Variants in GSR observed in about 807,000 individuals in gnomAD.
GSR encodes the protein glutathione-disulfide reductase, also known as glutathione reductase, mitochondrial.
In GSR, 48 loss-of-function variants were observed where a neutral mutation model predicts 56.5. The observed-to-expected ratio is 0.85, with a 90% CI of 0.67 to 1.08. The LOEUF (loss-of-function observed/expected upper bound fraction) is 1.08. Ranked by LOEUF, GSR falls within the 50% of genes least tolerant of loss-of-function variation. The pLI is 0.00. For synonymous variants in GSR, 264 were observed against 270.8 expected (o/e 0.97, Z 0.25); for missense variants, 694 against 703.3 (o/e 0.99, Z 0.15).
intron 1 of GSR, among the ~76,000 whole-genome samples, chr8:30,720,667 A>AAG (rs1554574503): frequency 8.0e-5 from 5 of 62,814 alleles, no homozygotes; most frequent in Non-Finnish European, 2.0e-4. Flanking sequence ...ACTTGAGAAA[A>AAG]AGAGAAAAAA....
At chr8:30,711,979 T>C in intron 2 of GSR, 83 bp downstream of exon 2, 1 of 806,822 alleles carries the variant, frequency 1.2e-6, no homozygotes, top group South Asian at 1.5e-5. Context: ...TTTTAACTGA[T>C]CTATTTGGAA....
chr8:30,712,372 A>C (rs1563541945), intron 1 of GSR, among the ~76,000 whole-genome samples: 4 of 152,226 alleles, frequency 2.6e-5, no homozygotes, highest in Non-Finnish European at 5.9e-5. Flanking sequence ...AAAGTACTGC[A>C]GAATACATGG....
chr8:30,715,462 T>C (rs1259198289), intron 1 of GSR, among the ~76,000 whole-genome samples: 1 of 152,090 alleles, frequency 6.6e-6, no homozygotes. Context: ...GGTTTCCTAA[T>C]GGTAAGAGCA....
intron 1 of GSR, among the ~76,000 whole-genome samples, chr8:30,725,606 G>T (rs1475300360): frequency 6.6e-6 from 1 of 151,522 alleles, no homozygotes; most frequent in Non-Finnish European, 1.5e-5. Flanking sequence ...AATTAGCTGG[G>T]TGTGGTGGCT....
At chr8:30,687,128 C>T (rs1016687799) in intron 9 of GSR, among the ~76,000 whole-genome samples, 15 of 151,816 alleles carry the variant, frequency 9.9e-5, no homozygotes, top group African/African-American at 3.1e-4. Context: ...TGAGCCACGG[C>T]GCCTGGCTGA....
At chr8:30,703,020 G>A in intron 5 of GSR, 73 bp downstream of exon 5, 1 of 1,479,638 alleles carries the variant, frequency 6.8e-7, no homozygotes, top group African/African-American at 1.4e-5. Context: ...CAGATCCCCT[G>A]GCATGGCTTT....
chr8:30,700,899 C>G (rs866945604), intron 5 of GSR, among the ~76,000 whole-genome samples: 2 of 152,262 alleles, frequency 1.3e-5, no homozygotes, highest in African/African-American at 2.4e-5. Context: ...ATAGCAGGTC[C>G]TATCTTGCAG....
At chr8:30,722,691 C>T (rs577728997) in intron 1 of GSR, among the ~76,000 whole-genome samples, 1 of 147,812 alleles carries the variant, frequency 6.8e-6, no homozygotes, top group Admixed American at 6.8e-5. Context: ...ATGATCATGC[C>T]CCTGCACTCC....
chr8:30,716,284 G>A (rs1804331164), intron 1 of GSR, among the ~76,000 whole-genome samples: 1 of 152,224 alleles, frequency 6.6e-6, no homozygotes, highest in Non-Finnish European at 1.5e-5. Context: ...ACCAGAGGAA[G>A]AGGATGGTGG....
chr8:30,708,694 C>T (rs546012584), intron 3 of GSR, among the ~76,000 whole-genome samples: 11 of 152,202 alleles, frequency 7.2e-5, no homozygotes, highest in African/African-American at 2.2e-4. Context: ...CGGTGGCTCA[C>T]GCCTGTAATC....
chr8:30,678,433 C>T lies in GSR; in HGVS notation c.*1087G>A. On this transcript the variant is annotated 3_prime_UTR_variant, in exon 13 of 13. Transcript: ENST00000221130. ...TGAGTGCAGCAGCATGATCAGGACT[C>T]ACTGCAGCCTCACCTCACCCAAGCT... is the stretch of plus-strand genomic sequence containing the variant. The T allele has an allele frequency of 6.7e-6, 1 of 149,836 alleles. No homozygotes were observed. Among genetic ancestry groups the T allele is most frequent in the Non-Finnish European group, 1.5e-5 (1 of 67,742 alleles). 9.3% of individuals were successfully genotyped at this position (149,836 alleles called of 1,614,324 possible). A position where few individuals can be genotyped will look rare whatever the true frequency, so the allele number is the denominator to read the frequency against.
intron 3 of GSR, among the ~76,000 whole-genome samples, chr8:30,708,422 T>C (rs1204866837): frequency 6.6e-6 from 1 of 152,254 alleles, no homozygotes; most frequent in Non-Finnish European, 1.5e-5. Flanking sequence ...TAGAACATGA[T>C]GTGCACAGGA....
rs35132121 is a variant in GSR, at chr8:30,718,111, AAAAT to A, written c.307-6027_307-6024del. Among the ~76,000 whole-genome samples the A allele has an allele frequency of 5.5e-4, 81 of 147,834 alleles. 1 individual carries two copies. Among genetic ancestry groups the A allele is most frequent in the East Asian group, 1.0e-3 (5 of 4,988 alleles). ...AGTGAAATTCTGTCTCAAAAAAATA[AAAAT>A]AAATAAATAAATAAATAAATAAATA... On this transcript the variant is annotated intron_variant, in intron 1 of 12. Transcript: ENST00000221130.
chr8:30,693,488 G>A (rs1311861195), intron 7 of GSR, among the ~76,000 whole-genome samples: 1 of 152,070 alleles, frequency 6.6e-6, no homozygotes, highest in Non-Finnish European at 1.5e-5. Context: ...TCCACATGTG[G>A]AGTTCAGGTG....
At chr8:30,684,734 A>G (rs749293589) in intron 9 of GSR, among the ~76,000 whole-genome samples, 2 of 151,988 alleles carry the variant, frequency 1.3e-5, no homozygotes, top group Non-Finnish European at 2.9e-5. Context: ...AGCAGTCACC[A>G]AAAGCATATC....
intron 4 of GSR, among the ~76,000 whole-genome samples, 167 bp downstream of exon 4, chr8:30,707,905 C>T (rs999142897): frequency 1.3e-5 from 2 of 151,342 alleles, no homozygotes; most frequent in Admixed American, 6.6e-5. Flanking sequence ...TGCAGTGAGC[C>T]GAGATTGCGC....
chr8:30,690,894 A>G (rs1035538869), intron 8 of GSR, among the ~76,000 whole-genome samples: 5 of 151,896 alleles, frequency 3.3e-5, no homozygotes, highest in African/African-American at 1.2e-4. Context: ...GTGAGACTCC[A>G]TGTCTACAAA....
chr8:30,723,207 C>T (rs913237332), intron 1 of GSR, among the ~76,000 whole-genome samples: 4 of 152,118 alleles, frequency 2.6e-5, no homozygotes, highest in Non-Finnish European at 5.9e-5. Flanking sequence ...GGCAGAGAAG[C>T]GAACCACAGA....
rs1804790855 is a variant in GSR at position 30,727,691 on chromosome 8, C to T, written c.145G>A (p.Glu49Lys). 2.1e-6 allele frequency: 3 copies of T among 1,438,208 alleles called. No homozygotes were observed. In the South Asian group the frequency reaches 4.2e-5, roughly 20 times the overall value. The allele number at this position is 1,438,208 out of a possible 1,614,324, so 89.1% of individuals were successfully genotyped here. A position where few individuals can be genotyped will look rare whatever the true frequency, so the allele number is the denominator to read the frequency against. The change falls in exon 1 of 13, where the codon GAG becomes AAG. Residue 49 changes from glutamate to lysine, a missense_variant. By Grantham distance (56) the Glu-to-Lys change is moderately conservative. Coordinates refer to ENST00000221130, the MANE Select transcript of GSR (RefSeq NM_000637.5). ...GGCGGCGGGCCCTGCGGCTGCGGCT[C>T]CTGCCTGCAGGCCATGGCACGGGAG... is the stretch of plus-strand genomic sequence containing the variant. ...ALSRAMACRQ[E>K]PQPQGPPPAA...
Sources: allele counts gnomAD v4.1 joint callset (sites outside exome capture counted in the v4.1 genomes callset), GRCh38; gene constraint gnomAD v4.1.1; transcripts MANE v1.5; gene names NCBI Gene and HGNC (gene_info 2026-07-23, HGNC 2026-07-21).